Variants in CHODL observed in about 807,000 individuals in gnomAD.
The protein encoded by CHODL is transmembrane protein MT75.
Under a neutral mutation model 34.5 loss-of-function variants are expected in CHODL, and 29 were observed. The ratio of observed to expected loss-of-function variants is 0.84; its 90% CI spans 0.63 to 1.15. The LOEUF (loss-of-function observed/expected upper bound fraction) is 1.15. Among genes scored for constraint, CHODL ranks in the 50% most tolerant of loss-of-function variants. CHODL has a pLI of 0.00. For missense variants in CHODL, 332 were observed against 332.5 expected (o/e 1.00, Z 0.01); for synonymous variants, 125 against 116.1 (o/e 1.08, Z -0.49).
At chr21:17,961,401 G>T (rs1470574087) in intron 1 of CHODL, among the ~76,000 whole-genome samples, 1 of 152,216 alleles carries the variant, frequency 6.6e-6, no homozygotes, top group African/African-American at 2.4e-5. Context: ...TCTGTTAGTA[G>T]GGACATCTTG....
At chr21:18,127,856 T>G (rs2146588686) in intron 2 of CHODL, among the ~76,000 whole-genome samples, 1 of 152,016 alleles carries the variant, frequency 6.6e-6, no homozygotes, top group South Asian at 2.1e-4. Flanking sequence ...CTACTGTCAT[T>G]TGAGACCTGT....
intron 2 of CHODL, among the ~76,000 whole-genome samples, chr21:18,101,825 G>T (rs2146545818): frequency 6.6e-6 from 1 of 151,818 alleles, no homozygotes; most frequent in East Asian, 1.9e-4. Context: ...AAAAATGAGA[G>T]AAATATATAT....
intron 1 of CHODL, among the ~76,000 whole-genome samples, chr21:17,993,178 A>G (rs2063814864): frequency 6.6e-6 from 1 of 151,574 alleles, no homozygotes; most frequent in Non-Finnish European, 1.5e-5. Flanking sequence ...CAGGTATTTC[A>G]TACATGGCTT....
intron 2 of CHODL, among the ~76,000 whole-genome samples, chr21:18,186,390 G>T (rs1260468677): frequency 6.8e-6 from 1 of 147,476 alleles, no homozygotes; most frequent in Non-Finnish European, 1.5e-5. Context: ...CCTTAGGGAA[G>T]AAAAGTTAAA....
At chr21:18,057,800 T>C (rs1196065054) in intron 2 of CHODL, among the ~76,000 whole-genome samples, 1 of 152,046 alleles carries the variant, frequency 6.6e-6, no homozygotes, top group Non-Finnish European at 1.5e-5. Context: ...TAGTCTACCA[T>C]TCAGCACTAG....
At chr21:18,119,455 C>T (rs936547327) in intron 2 of CHODL, among the ~76,000 whole-genome samples, 15 of 152,068 alleles carry the variant, frequency 9.9e-5, no homozygotes, top group East Asian at 7.7e-4. Flanking sequence ...CAGTGCTAAC[C>T]GTGGGAGAAA....
intron 5 of CHODL, among the ~76,000 whole-genome samples, chr21:18,265,179 GTA>G (rs1464024713): frequency 1.0e-4 from 14 of 138,290 alleles, no homozygotes; most frequent in South Asian, 2.2e-4. Flanking sequence ...GTATATATAT[GTA>G]TATATATATA....
intron 2 of CHODL, among the ~76,000 whole-genome samples, chr21:18,236,620 A>G (rs185938524): frequency 7.2e-4 from 110 of 152,214 alleles, no homozygotes; most frequent in Admixed American, 3.0e-3. Flanking sequence ...ACACCACACT[A>G]GAAATTATAA....
At chr21:18,145,326 A>C in intron 2 of CHODL, among the ~76,000 whole-genome samples, 1 of 146,326 alleles carries the variant, frequency 6.8e-6, no homozygotes, top group Middle Eastern at 3.3e-3. Flanking sequence ...AGTCCCAGCT[A>C]CTCGGGAGGC....
intron 3 of CHODL, among the ~76,000 whole-genome samples, chr21:18,259,538 TAAAA>T (rs1288361690): frequency 6.6e-6 from 1 of 152,040 alleles, no homozygotes; most frequent in Non-Finnish European, 1.5e-5. Flanking sequence ...AGAAGAACAA[TAAAA>T]AATAAAGTGT....
rs76208635 is a variant in CHODL, at chr21:18,013,984, A to C, written c.-144-13888A>C. ...TGTTAGGACCACTTACTAGCACTGG[A>C]TCTTCATTTAGTTGGCTTTTGGGGA... On this transcript the variant is annotated intron_variant, in intron 1 of 6. Transcript: ENST00000400127. Among the ~76,000 whole-genome samples, 1,035 of 152,156 alleles carry C rather than the reference A, an allele frequency of 6.8e-3. 6 individuals are homozygous for C. The highest frequency in any genetic ancestry group is 0.019 in the South Asian group (92 of 4,816).
At chr21:17,977,918 C>CAA (rs57837589) in intron 1 of CHODL, among the ~76,000 whole-genome samples, 9 of 69,012 alleles carry the variant, frequency 1.3e-4, no homozygotes, top group South Asian at 5.3e-4. Flanking sequence ...ACTCCCATCT[C>CAA]AAAAAAAAAA....
chr21:18,083,522 C>T (rs1010266220), intron 2 of CHODL, among the ~76,000 whole-genome samples: 1 of 152,178 alleles, frequency 6.6e-6, no homozygotes, highest in African/African-American at 2.4e-5. Context: ...GGAAAAGCCT[C>T]AGTCACTCAA....
At chr21:17,932,320 G>C (rs1337345006) in intron 1 of CHODL, among the ~76,000 whole-genome samples, 1 of 152,176 alleles carries the variant, frequency 6.6e-6, no homozygotes, top group East Asian at 1.9e-4. Flanking sequence ...TGTTTGTGAG[G>C]ATGAAGAGAA....
At chr21:18,154,520 T>C (rs1225980974) in intron 2 of CHODL, among the ~76,000 whole-genome samples, 1 of 152,194 alleles carries the variant, frequency 6.6e-6, no homozygotes, top group East Asian at 1.9e-4. Flanking sequence ...CATCTAATTT[T>C]AGTTTAATTC....
intron 2 of CHODL, among the ~76,000 whole-genome samples, chr21:18,236,978 G>A (rs73316299): frequency 0.021 from 3,167 of 152,174 alleles, 103 homozygotes; most frequent in African/African-American, 0.072. Flanking sequence ...TAGGAGACTG[G>A]TGTGTCCACA....
At chr21:18,049,110 A>G (rs1233293879) in intron 2 of CHODL, among the ~76,000 whole-genome samples, 3 of 152,064 alleles carry the variant, frequency 2.0e-5, no homozygotes, top group Admixed American at 6.5e-5. Context: ...CAGTGTATTC[A>G]ATATAAACAG....
chr21:17,953,998 G>C (rs1341339690), intron 1 of CHODL, among the ~76,000 whole-genome samples: 3 of 151,978 alleles, frequency 2.0e-5, no homozygotes, highest in Non-Finnish European at 4.4e-5. Context: ...GACAGAGCGA[G>C]ACTCTGTCTC....
chr21:18,224,697 T>C (rs2073915584), intron 2 of CHODL, among the ~76,000 whole-genome samples: 2 of 152,160 alleles, frequency 1.3e-5, no homozygotes, highest in Non-Finnish European at 1.5e-5. Flanking sequence ...TTGTTGAAAA[T>C]TGCAATTTCC....
Sources: gnomAD v4.1 joint callset for allele counts (sites outside exome capture counted in the v4.1 genomes callset) on GRCh38, gnomAD v4.1.1 for gene constraint, MANE v1.5 for transcripts, NCBI Gene and HGNC (gene_info 2026-07-23, HGNC 2026-07-21) for gene names.